The following SENP7 variants were observed in gnomAD, a reference collection of about 807,000 sequenced individuals.
SENP7 encodes SUMO specific peptidase 7.
SENP7 carries 64 observed loss-of-function variants against 141.2 expected under a neutral mutation model. That is an observed-to-expected ratio of 0.45 (90% confidence interval 0.37 to 0.56). The LOEUF is 0.56. Among genes scored for constraint, SENP7 ranks in the 20% least tolerant of loss-of-function variants. The probability of loss-of-function intolerance (pLI) is 0.00; values close to 1 mark genes in which losing one functional copy is unlikely to be tolerated. For missense variants in SENP7, 1,025 were observed against 1,212.2 expected (o/e 0.85, Z 2.29); for synonymous variants, 382 against 426.4 (o/e 0.90, Z 1.28).
chr3:101,503,951 A>T (rs1246452946), intron 1 of SENP7, among the ~76,000 whole-genome samples: 1 of 143,780 alleles, frequency 7.0e-6, no homozygotes, highest in Non-Finnish European at 1.5e-5. Context: ...GTCTCAAATT[A>T]AAAAAAAAAA....
intron 3 of SENP7, among the ~76,000 whole-genome samples, chr3:101,475,610 T>C (rs2064184359): frequency 6.6e-6 from 1 of 152,110 alleles, no homozygotes; most frequent in Admixed American, 6.6e-5. Flanking sequence ...AATACCTAGG[T>C]GAAGGGTTGA....
chr3:101,489,656 C>G (rs2064880559), intron 3 of SENP7, among the ~76,000 whole-genome samples: 1 of 152,146 alleles, frequency 6.6e-6, no homozygotes, highest in Non-Finnish European at 1.5e-5. Context: ...ATTCATAAAA[C>G]AAGTTTTGCT....
intron 5 of SENP7, among the ~76,000 whole-genome samples, chr3:101,416,616 T>A (rs1453117387): frequency 6.6e-6 from 1 of 152,206 alleles, no homozygotes; most frequent in East Asian, 1.9e-4. Flanking sequence ...TTTAGAAAAT[T>A]AAATTTATAT....
intron 10 of SENP7, 79 bp downstream of exon 10, chr3:101,364,755 G>A (rs1423282186): frequency 6.7e-6 from 7 of 1,043,354 alleles, no homozygotes; most frequent in Non-Finnish European, 9.5e-6. Context: ...ACAATATTCA[G>A]CTTGATAAAA....
intron 5 of SENP7, among the ~76,000 whole-genome samples, chr3:101,413,036 C>A (rs2061498427): frequency 6.6e-6 from 1 of 151,956 alleles, no homozygotes; most frequent in South Asian, 2.1e-4. Flanking sequence ...ACATAAAAGG[C>A]AAGATACTTA....
chr3:101,429,565 C>T (rs1295956830), intron 4 of SENP7, among the ~76,000 whole-genome samples: 1 of 152,166 alleles, frequency 6.6e-6, no homozygotes, highest in Non-Finnish European at 1.5e-5. Flanking sequence ...GCTGAAGTTG[C>T]TTCTCAGCTT....
At chr3:101,331,437 T>C (rs2059048579) in intron 19 of SENP7, among the ~76,000 whole-genome samples, 1 of 148,340 alleles carries the variant, frequency 6.7e-6, no homozygotes, top group African/African-American at 2.5e-5. Flanking sequence ...GAGCTATAAC[T>C]GAGCCACTGC....
At chr3:101,452,803 G>T (rs2063194762) in intron 4 of SENP7, among the ~76,000 whole-genome samples, 1 of 152,178 alleles carries the variant, frequency 6.6e-6, no homozygotes, top group Non-Finnish European at 1.5e-5. Context: ...ACATAGGCAT[G>T]GGCAAGGACT....
chr3:101,362,645 T>C (rs2059931598), intron 10 of SENP7, among the ~76,000 whole-genome samples: 1 of 152,192 alleles, frequency 6.6e-6, no homozygotes, highest in African/African-American at 2.4e-5. Context: ...TTCCAATGTC[T>C]ATTGTTCCCA....
chr3:101,490,521 T>C (rs1427827794), intron 3 of SENP7, among the ~76,000 whole-genome samples: 1 of 152,038 alleles, frequency 6.6e-6, no homozygotes, highest in Non-Finnish European at 1.5e-5. Context: ...GTCATATACT[T>C]GAGTCACATA....
At chr3:101,355,749 T>C (rs940367733) in intron 11 of SENP7, among the ~76,000 whole-genome samples, 3 of 152,138 alleles carry the variant, frequency 2.0e-5, no homozygotes, top group South Asian at 2.1e-4. Context: ...TTTCTGTGAA[T>C]ATCATTGATA....
chr3:101,325,661 G>A lies in SENP7; in HGVS notation c.*282C>T, dbSNP rs2058881431. 2 of 176,612 alleles carry A rather than the reference G, an allele frequency of 1.1e-5. No individual in the cohort carries two copies. Among genetic ancestry groups the A allele is most frequent in the African/African-American group, 4.7e-5 (2 of 42,312 alleles). 10.9% of individuals were successfully genotyped at this position (176,612 alleles called of 1,614,324 possible). ...TACAAAACATTCCCATATTACATAT[G>A]CTGTTGCATAATCCAATCATATTTA... On this transcript the variant is annotated 3_prime_UTR_variant, in exon 24 of 24. Transcript: ENST00000394095.
intron 3 of SENP7, among the ~76,000 whole-genome samples, chr3:101,463,387 A>G (rs1461616350): frequency 1.1e-5 from 1 of 93,878 alleles, no homozygotes; most frequent in Non-Finnish European, 2.1e-5. Flanking sequence ...ATATATATAT[A>G]TATATATATA....
intron 14 of SENP7, among the ~76,000 whole-genome samples, chr3:101,343,286 C>T (rs866895219): frequency 4.6e-5 from 7 of 152,220 alleles, no homozygotes; most frequent in Middle Eastern, 3.4e-3. Flanking sequence ...TAAATTTTTA[C>T]TCATTAAATT....
At chr3:101,420,153 G>A (rs1166140013) in intron 4 of SENP7, among the ~76,000 whole-genome samples, 1 of 152,208 alleles carries the variant, frequency 6.6e-6, no homozygotes, top group Non-Finnish European at 1.5e-5. Context: ...GGATCACGAG[G>A]TGAGGAGATC....
At position 101,324,528 on chromosome 3, in the gene SENP7, T is replaced by G. The variant is rs763654007; in HGVS notation, c.*1415A>C. Reference sequence around the variant, plus strand: ...ACACACACAAATTGGGAATGAAATATGTAATTATAGCCATCTTTATATGAA... The same window carrying G: ...ACACACACAAATTGGGAATGAAATAGGTAATTATAGCCATCTTTATATGAA... On this transcript the variant is annotated 3_prime_UTR_variant, in exon 24 of 24. Transcript: ENST00000394095. 7.2e-5 allele frequency: 11 copies of G among 152,072 alleles called. No homozygotes were observed. Among genetic ancestry groups the G allele is most frequent in the Non-Finnish European group, 1.0e-4 (7 of 67,970 alleles). 9.4% of individuals were successfully genotyped at this position (152,072 alleles called of 1,614,324 possible).
At chr3:101,512,587 T>C (rs1007275461) in intron 1 of SENP7, among the ~76,000 whole-genome samples, 25 of 152,062 alleles carry the variant, frequency 1.6e-4, no homozygotes, top group Non-Finnish European at 2.6e-4. Context: ...CGGAGAGGCA[T>C]TGTATCAAAG....
At position 101,409,847 on chromosome 3, in the gene SENP7, T is replaced by G. The variant is rs181615954; in HGVS notation, c.482+7746A>C. ...CTATAAAAATTTTAGAAGATGACAT[T>G]GGAAAAACCCTTCTAGACATTGGCT... On this transcript the variant is annotated intron_variant, in intron 5 of 23. Transcript: ENST00000394095. 7.0e-3 allele frequency among the ~76,000 whole-genome samples: 1,059 copies of G among 152,256 alleles called. 4 individuals are homozygous for G. Among genetic ancestry groups the G allele is most frequent in the Non-Finnish European group, 0.012 (834 of 68,018 alleles).
At chr3:101,403,151 C>T (rs1019102243) in intron 5 of SENP7, among the ~76,000 whole-genome samples, 5 of 152,126 alleles carry the variant, frequency 3.3e-5, no homozygotes. Context: ...AGTTCCAGAC[C>T]CCCGCCATAA....
Sources: gnomAD v4.1 joint callset for allele counts (sites outside exome capture counted in the v4.1 genomes callset) on GRCh38, gnomAD v4.1.1 for gene constraint, MANE v1.5 for transcripts, NCBI Gene and HGNC (gene_info 2026-07-23, HGNC 2026-07-21) for gene names.